Variants in SEC31B observed in about 807,000 individuals in gnomAD.
SEC31B encodes protein transport protein Sec31B.
Under a neutral mutation model 135.0 loss-of-function variants are expected in SEC31B, and 113 were observed. The ratio of observed to expected loss-of-function variants is 0.84; its 90% confidence interval spans 0.72 to 0.98. The LOEUF (loss-of-function observed/expected upper bound fraction) is 0.98. SEC31B is among the 50% of genes least tolerant of loss of function. SEC31B has a pLI of 0.00. For synonymous variants in SEC31B, 508 were observed against 549.4 expected, an observed-to-expected ratio of 0.92 and a Z score of 1.05; for missense variants, 1,296 against 1,421.1, an observed-to-expected ratio of 0.91 and a Z score of 1.42.
At chr10:100,516,249 A>T in intron 2 of SEC31B, 30 bp from the exon 3 acceptor site, 1 of 1,609,870 alleles carries the variant, frequency 6.2e-7, no homozygotes, top group Non-Finnish European at 8.5e-7. Context: ...GCATATGAGC[A>T]ACAATATATG....
In SEC31B at chr10:100,509,516, A is replaced by G. The variant is rs748077733; in HGVS notation, c.204-5T>C. The G allele has an allele frequency of 1.2e-6, 2 of 1,603,478 alleles. No homozygotes were observed. The highest frequency in any genetic ancestry group is 1.1e-5 in the South Asian group (1 of 90,360). On this transcript the variant is annotated splice_polypyrimidine_tract_variant and splice_region_variant and intron_variant, in intron 3 of 25. Transcript: ENST00000370345. Reference sequence around the variant, plus strand: ...CCCCAGACCAGCTTGTGAAACCTATAAAGAGGAGGAACTGGCATCAGTACA... The same window carrying G: ...CCCCAGACCAGCTTGTGAAACCTATGAAGAGGAGGAACTGGCATCAGTACA...
intron 9 of SEC31B, 109 bp downstream of exon 9, chr10:100,505,931 G>A (rs888612979): frequency 6.4e-7 from 1 of 1,557,194 alleles, no homozygotes; most frequent in African/African-American, 1.4e-5. Flanking sequence ...CCAAACCCCG[G>A]GCCCTGGTCT....
Position 100,505,512 on chromosome 10 carries a change from C to T in SEC31B, c.1045-17G>A. The T allele has an allele frequency of 1.3e-6, 2 of 1,510,196 alleles. No individual in the cohort carries two copies. The highest frequency in any genetic ancestry group is 2.7e-5 in the South Asian group (2 of 74,268). The allele number at this position is 1,510,196 out of a possible 1,614,324, so 93.5% of individuals were successfully genotyped here. A position where few individuals can be genotyped will look rare whatever the true frequency, so the allele number is the denominator to read the frequency against. ...AGAGGAGATCTGGGGGGAAAAGACA[C>T]CTGCATCGCCATCCTAAAGTGGCAG... On this transcript the variant is annotated splice_polypyrimidine_tract_variant and intron_variant, in intron 9 of 25. Transcript: ENST00000370345.
At chr10:100,493,242 G>A (rs369025228) in intron 19 of SEC31B, among the ~76,000 whole-genome samples, 19 of 152,084 alleles carry the variant, frequency 1.2e-4, no homozygotes, top group African/African-American at 4.3e-4. Flanking sequence ...GCGTGGTGGC[G>A]GGCGCCTGTA....
chr10:100,488,386 G>C (rs1367247718), intron 24 of SEC31B, among the ~76,000 whole-genome samples: 1 of 151,238 alleles, frequency 6.6e-6, no homozygotes, highest in Non-Finnish European at 1.5e-5. Flanking sequence ...TTGAACCCGG[G>C]AGGCAGAGCT....
At chr10:100,496,106 C>A in intron 18 of SEC31B, 152 bp downstream of exon 18, 1 of 798,050 alleles carries the variant, frequency 1.3e-6, no homozygotes, top group Non-Finnish European at 2.0e-6. Flanking sequence ...AACATCTGAT[C>A]TTCCCCCAGT....
chr10:100,497,519 T>C, intron 16 of SEC31B, 148 bp downstream of exon 16: 2 of 1,524,470 alleles, frequency 1.3e-6, no homozygotes, highest in Non-Finnish European at 1.8e-6. Context: ...CTGTGGTCCC[T>C]GCCTCCTGGC....
At chr10:100,497,061 G>C in intron 17 of SEC31B, 74 bp downstream of exon 17, 1 of 1,565,842 alleles carries the variant, frequency 6.4e-7, no homozygotes, top group South Asian at 1.1e-5. Context: ...GCCTCTGCTA[G>C]CTCTGCACAT....
chr10:100,517,766 A>T (rs568448642), intron 1 of SEC31B, among the ~76,000 whole-genome samples: 1 of 151,880 alleles, frequency 6.6e-6, no homozygotes, highest in Admixed American at 6.6e-5. Flanking sequence ...GCAAAGTCAC[A>T]ATCTCTTCTG....
At chr10:100,508,843 C>G in intron 5 of SEC31B, 164 bp downstream of exon 5, 1 of 628,424 alleles carries the variant, frequency 1.6e-6, no homozygotes, top group East Asian at 2.7e-5. Context: ...CACCAGCCAT[C>G]CTAACTCTTA....
intron 24 of SEC31B, 85 bp downstream of exon 24, chr10:100,488,773 C>A: frequency 6.8e-7 from 1 of 1,464,134 alleles, no homozygotes. Context: ...AGAAGAGAGT[C>A]ACACAAGGAA....
Position 100,496,994 on chromosome 10 carries a change from A to G in SEC31B, c.2136+141T>C, listed in dbSNP as rs1401140450. The G allele has an allele frequency of 3.5e-6, 3 of 859,688 alleles. No homozygotes were observed. The East Asian group carries it at 7.9e-5, about 23-fold the overall frequency. The allele number at this position is 859,688 out of a possible 1,614,324, so 53.3% of individuals were successfully genotyped here. A position where few individuals can be genotyped will look rare whatever the true frequency, so the allele number is the denominator to read the frequency against. The stretch of plus-strand genomic sequence containing the variant: ...GAGGGAAGAGGAGAAGATCCCAGAC[A>G]TTCAGGACCTTTCGCTCCTCCCTAA... On this transcript the variant is annotated intron_variant, in intron 17 of 25. Coordinates refer to ENST00000370345, the MANE Select transcript of SEC31B (RefSeq NM_015490.4).
At chr10:100,503,338 C>T (rs1009510154) in intron 10 of SEC31B, among the ~76,000 whole-genome samples, 1 of 152,146 alleles carries the variant, frequency 6.6e-6, no homozygotes, top group Admixed American at 6.5e-5. Context: ...CCAGGCCACA[C>T]CCCAGACAAT....
rs1172115679 is a variant in SEC31B, at chr10:100,490,267, CA to C, written c.2705del (p.Val902GlyfsTer41). The C allele has an allele frequency of 1.9e-6, 3 of 1,613,790 alleles. No individual in the cohort carries two copies. Among genetic ancestry groups the C allele is most frequent in the Non-Finnish European group, 2.5e-6 (3 of 1,179,916 alleles). On this transcript the variant is annotated frameshift_variant, in exon 21 of 26. Transcript: ENST00000370345. LOFTEE classifies it high-confidence loss of function. ...GAAGAGGCCATGTCCCAGGGAATCCCACCGGGTTAGGAACTTGCACCCTTTG... is the reference window on the plus strand; with the variant it reads ...GAAGAGGCCATGTCCCAGGGAATCCCCCGGGTTAGGAACTTGCACCCTTTG... ...GGQRVQVPNP[V>X]GFPGTWPLPG...
At chr10:100,490,598 T>G in intron 20 of SEC31B, 108 bp downstream of exon 20, 2 of 1,166,074 alleles carry the variant, frequency 1.7e-6, no homozygotes, top group Middle Eastern at 6.0e-4. Flanking sequence ...ACTTCCAAGC[T>G]CCTCTCACTA....
intron 19 of SEC31B, among the ~76,000 whole-genome samples, chr10:100,493,976 G>T (rs1851354644): frequency 6.6e-6 from 1 of 151,220 alleles, no homozygotes; most frequent in Non-Finnish European, 1.5e-5. Flanking sequence ...GAGAGGAGGG[G>T]AAGGGGAAAA....
At chr10:100,502,571 T>C (rs1851544076) in intron 10 of SEC31B, 87 bp from the exon 11 acceptor site, 1 of 788,020 alleles carries the variant, frequency 1.3e-6, no homozygotes, top group Admixed American at 2.6e-5. Context: ...GGCTATCTAA[T>C]GGCTGACCCT....
chr10:100,513,708 G>A (rs934087771), intron 3 of SEC31B, among the ~76,000 whole-genome samples: 1 of 151,764 alleles, frequency 6.6e-6, no homozygotes, highest in East Asian at 2.0e-4. Flanking sequence ...GGCCTCAAGC[G>A]ATCCACCCGT....
At position 100,499,577 on chromosome 10, in the gene SEC31B, T is replaced by C. The variant is rs1851478125; in HGVS notation, c.1432A>G (p.Arg478Gly). The C allele has an allele frequency of 2.5e-6, 4 of 1,612,064 alleles. No individual in the cohort carries two copies. Among genetic ancestry groups the C allele is most frequent in the Non-Finnish European group, 3.4e-6 (4 of 1,179,248 alleles). Residue 478 changes from arginine to glycine, a missense_variant, in exon 12 of 26, where the codon AGA (arginine) becomes GGA (glycine). Physicochemically the swap from Arg to Gly is moderately radical, Grantham distance 125 (BLOSUM62 -2). Coordinates refer to ENST00000370345, the MANE Select transcript of SEC31B (RefSeq NM_015490.4). The part of the protein sequence containing the change: ...FLKVTLEQDS[R>G]MKFLKLLGYS... ...CCTAAAAGCTTTAGGAATTTCATTCTGGAGTCTTGCTCTAAGGTCACCTAA... is the reference window on the plus strand; with the variant it reads ...CCTAAAAGCTTTAGGAATTTCATTCCGGAGTCTTGCTCTAAGGTCACCTAA...
Sources: allele counts gnomAD v4.1 joint callset (sites outside exome capture counted in the v4.1 genomes callset), GRCh38; gene constraint gnomAD v4.1.1; transcripts MANE v1.5; gene names NCBI Gene and HGNC (gene_info 2026-07-23, HGNC 2026-07-21).